The following AGBL4 variants were observed in gnomAD, a reference collection of about 807,000 sequenced individuals.
AGBL4 encodes AGBL carboxypeptidase 4, also known as cytosolic carboxypeptidase 6.
Under a neutral mutation model 66.4 loss-of-function variants are expected in AGBL4, and 58 were observed. That is an observed-to-expected ratio of 0.87 (90% CI 0.71 to 1.09). The LOEUF is 1.09. AGBL4 is among the 50% of genes least tolerant of loss of function. The pLI is 0.00. For missense variants in AGBL4, 579 were observed against 631.0 expected (o/e 0.92, Z 0.88); for synonymous variants, 234 against 222.9 (o/e 1.05, Z -0.44).
intron 3 of AGBL4, among the ~76,000 whole-genome samples, chr1:49,431,331 G>C (rs1396485416): frequency 4.6e-5 from 7 of 152,128 alleles, no homozygotes; most frequent in Non-Finnish European, 1.0e-4. Flanking sequence ...ATTTGCAGAA[G>C]ATCATCTTGT....
chr1:50,007,315 A>C (rs1358293210), intron 1 of AGBL4, among the ~76,000 whole-genome samples: 1 of 152,180 alleles, frequency 6.6e-6, no homozygotes, highest in Non-Finnish European at 1.5e-5. Context: ...AAGAAAGAAG[A>C]CCACAAAACA....
chr1:48,623,796 T>A (rs1190379084), intron 9 of AGBL4, among the ~76,000 whole-genome samples: 1 of 152,018 alleles, frequency 6.6e-6, no homozygotes, highest in Non-Finnish European at 1.5e-5. Context: ...GACGGGGGCA[T>A]GGAAAGGGAG....
intron 4 of AGBL4, among the ~76,000 whole-genome samples, chr1:49,208,364 G>C (rs1648405450): frequency 6.6e-6 from 1 of 151,838 alleles, no homozygotes; most frequent in African/African-American, 2.4e-5. Flanking sequence ...TTGCCTGCTT[G>C]GTCTGCCTTT....
At chr1:49,561,429 G>A (rs964170694) in intron 3 of AGBL4, among the ~76,000 whole-genome samples, 11 of 151,796 alleles carry the variant, frequency 7.2e-5, no homozygotes, top group African/African-American at 2.4e-4. Context: ...TTAGCATTAG[G>A]TGTATCTCCT....
chr1:48,953,321 G>C (rs557750669), intron 5 of AGBL4, among the ~76,000 whole-genome samples: 5 of 152,252 alleles, frequency 3.3e-5, no homozygotes, highest in African/African-American at 1.2e-4. Flanking sequence ...CTGGGCCACC[G>C]ATTCAACTTT....
chr1:49,816,223 C>T (rs1371527391), intron 2 of AGBL4, among the ~76,000 whole-genome samples: 1 of 152,104 alleles, frequency 6.6e-6, no homozygotes, highest in East Asian at 1.9e-4. Context: ...TACTACTTTA[C>T]AGATACAACC....
At chr1:49,512,772 T>C (rs1396480276) in intron 3 of AGBL4, among the ~76,000 whole-genome samples, 1 of 151,906 alleles carries the variant, frequency 6.6e-6, no homozygotes, top group Admixed American at 6.6e-5. Context: ...ACTAATTATA[T>C]AATTCTTTCC....
At chr1:49,565,827 C>T (rs1287490405) in intron 3 of AGBL4, among the ~76,000 whole-genome samples, 6 of 152,124 alleles carry the variant, frequency 3.9e-5, no homozygotes, top group Admixed American at 1.3e-4. Context: ...CTCTGTATTT[C>T]CTGAATTTGA....
intron 2 of AGBL4, among the ~76,000 whole-genome samples, chr1:49,759,815 A>G (rs556440208): frequency 6.6e-5 from 10 of 152,334 alleles, no homozygotes; most frequent in African/African-American, 2.4e-4. Flanking sequence ...CTACAACATA[A>G]ATAAATCTCA....
chr1:49,207,576 T>TTCTTTCTTTCTC (rs1203243751), intron 4 of AGBL4, among the ~76,000 whole-genome samples: 1 of 145,256 alleles, frequency 6.9e-6, no homozygotes. Flanking sequence ...CTTTCTTTCT[T>TTCTTTCTTTCTC]TCTTTCTTTC....
At position 49,285,228 on chromosome 1, in the gene AGBL4, G is replaced by A. The variant is rs1042050399; in HGVS notation, c.283-39364C>T. Among the ~76,000 whole-genome samples, 4 of 152,006 alleles carry A rather than the reference G, an allele frequency of 2.6e-5. No homozygotes were observed. In the South Asian group the frequency reaches 6.2e-4, roughly 24 times the overall value. ...AGGATTAAGAATCTCACTCAAAACC[G>A]CTCAACTACATGGAAACTGAACAAC... is the stretch of plus-strand genomic sequence containing the variant. On this transcript the variant is annotated intron_variant, in intron 3 of 13. Transcript: ENST00000371839.
At chr1:48,604,965 C>T (rs1036751478) in intron 9 of AGBL4, among the ~76,000 whole-genome samples, 7 of 152,236 alleles carry the variant, frequency 4.6e-5, no homozygotes, top group African/African-American at 1.7e-4. Context: ...TGTGTCTTTT[C>T]TGGCTCTTTG....
At chr1:49,231,369 C>T (rs1328332221) in intron 4 of AGBL4, among the ~76,000 whole-genome samples, 1 of 152,146 alleles carries the variant, frequency 6.6e-6, no homozygotes, top group Non-Finnish European at 1.5e-5. Flanking sequence ...TTAGGAGACT[C>T]GTGGCAGTCG....
At chr1:48,633,136 C>A (rs1645617912) in intron 9 of AGBL4, among the ~76,000 whole-genome samples, 1 of 152,186 alleles carries the variant, frequency 6.6e-6, no homozygotes, top group Non-Finnish European at 1.5e-5. Flanking sequence ...AGAAGGTATA[C>A]TGTGAAAGGA....
intron 3 of AGBL4, among the ~76,000 whole-genome samples, chr1:49,679,335 C>T (rs901980835): frequency 1.3e-5 from 2 of 151,892 alleles, no homozygotes; most frequent in East Asian, 3.9e-4. Flanking sequence ...ATTTGATATG[C>T]ATATATATAC....
intron 3 of AGBL4, among the ~76,000 whole-genome samples, chr1:49,329,611 A>G (rs1263757054): frequency 6.6e-6 from 1 of 152,084 alleles, no homozygotes; most frequent in African/African-American, 2.4e-5. Flanking sequence ...GTTTGCAGTG[A>G]GTCGAGATTG....
chr1:49,928,826 A>G (rs1260299454), intron 1 of AGBL4, among the ~76,000 whole-genome samples: 3 of 146,864 alleles, frequency 2.0e-5, no homozygotes, highest in Admixed American at 6.8e-5. Context: ...ATCCTCAAAG[A>G]AAAAAAAAAA....
intron 2 of AGBL4, among the ~76,000 whole-genome samples, chr1:49,718,497 C>A (rs1395829453): frequency 1.3e-5 from 2 of 151,960 alleles, no homozygotes; most frequent in African/African-American, 4.8e-5. Flanking sequence ...ACTAATACAA[C>A]AAATTATTAT....
intron 4 of AGBL4, among the ~76,000 whole-genome samples, chr1:49,205,146 G>A (rs1056762800): frequency 6.6e-6 from 1 of 152,008 alleles, no homozygotes; most frequent in Non-Finnish European, 1.5e-5. Flanking sequence ...TCAAACTAGG[G>A]TTTTGATTAA....
Sources: allele counts gnomAD v4.1 joint callset (sites outside exome capture counted in the v4.1 genomes callset), GRCh38; gene constraint gnomAD v4.1.1; transcripts MANE v1.5; gene names NCBI Gene and HGNC (gene_info 2026-07-23, HGNC 2026-07-21).